SLC5A5: variants seen among roughly 807,000 people sequenced by gnomAD.
The protein encoded by SLC5A5 is solute carrier family 5 member 5, also known as sodium/iodide cotransporter.
Under a neutral mutation model 68.6 loss-of-function variants are expected in SLC5A5, and 56 were observed. That is an observed-to-expected ratio of 0.82 (90% CI 0.66 to 1.02). The LOEUF (loss-of-function observed/expected upper bound fraction) is 1.02. Among genes scored for constraint, SLC5A5 ranks in the 50% least tolerant of loss-of-function variants. SLC5A5 has a pLI of 0.00. For synonymous variants in SLC5A5, 398 were observed against 373.0 expected (o/e 1.07, Z -0.77); for missense variants, 807 against 859.8 (o/e 0.94, Z 0.77).
At position 17,873,203 on chromosome 19, in the gene SLC5A5, G is replaced by A. The variant is rs1473605618; in HGVS notation, c.357+527G>A. On this transcript the variant is annotated intron_variant, in intron 1 of 14. Transcript: ENST00000222248. Reference sequence around the variant, plus strand: ...GGGCCCGGTGCGGTGGCTCACGCCTGTAATCCCAGCACTTTGGGAGGCCAA... The same window carrying A: ...GGGCCCGGTGCGGTGGCTCACGCCTATAATCCCAGCACTTTGGGAGGCCAA... Among the ~76,000 whole-genome samples the A allele has an allele frequency of 5.3e-5, 8 of 152,368 alleles. No homozygotes were observed. The East Asian group carries it at 1.3e-3, about 26-fold the overall frequency.
Position 17,882,024 on chromosome 19 carries a change from C to T in SLC5A5, c.1123C>T (p.Leu375=). 1 of 1,614,218 alleles carries T rather than the reference C, an allele frequency of 6.2e-7. No homozygotes were observed. The highest frequency in any genetic ancestry group is 8.5e-7 in the Non-Finnish European group (1 of 1,180,020). ...TGTAGAAGACCTCATCAAACCTCGG[C>T]TGCGGAGCCTGGCACCCAGGAAACT... ...VTVEDLIKPR[L]RSLAPRKLVI... The change falls in exon 9 of 15, where the codon CTG becomes TTG. Residue 375 remains leucine, a synonymous_variant. Transcript: ENST00000222248.
intron 5 of SLC5A5, among the ~76,000 whole-genome samples, chr19:17,877,245 A>C (rs1376620254): frequency 6.6e-6 from 1 of 152,114 alleles, no homozygotes; most frequent in Non-Finnish European, 1.5e-5. Flanking sequence ...GTGAATTTTC[A>C]ATCTGGCAAA....
intron 10 of SLC5A5, among the ~76,000 whole-genome samples, chr19:17,883,338 C>T (rs1176774755): frequency 1.3e-5 from 2 of 151,608 alleles, no homozygotes; most frequent in African/African-American, 4.8e-5. Flanking sequence ...CAGAAAGGGC[C>T]TCCCTATGGA....
At chr19:17,878,201 G>A in intron 7 of SLC5A5, 108 bp downstream of exon 7, 2 of 1,344,774 alleles carry the variant, frequency 1.5e-6, no homozygotes, top group South Asian at 2.4e-5. Context: ...CAAAGGCCAA[G>A]AAGTAGGAAA....
At chr19:17,889,061 A>G (rs1689262044) in intron 13 of SLC5A5, among the ~76,000 whole-genome samples, 1 of 151,864 alleles carries the variant, frequency 6.6e-6, no homozygotes, top group Non-Finnish European at 1.5e-5. Context: ...ATGACTATAT[A>G]TATACATAAA....
chr19:17,890,896 G>A lies in SLC5A5; in HGVS notation c.1662G>A (p.Lys554=), dbSNP rs1444362270. The change falls in exon 14 of 15, where the codon AAG becomes AAA. Residue 554 remains lysine, a synonymous_variant. Coordinates refer to ENST00000222248, the MANE Select transcript of SLC5A5 (RefSeq NM_000453.3). ...ALISCLTGPT[K]RSTLAPGLLW... ...CTCCCCGCCTCTCAGGCCCCACCAA[G>A]CGCAGCACCCTGGCCCCGGGATTGT... The A allele has an allele frequency of 1.9e-6, 3 of 1,613,400 alleles. No homozygotes were observed. The Admixed American group carries it at 5.0e-5, about 27-fold the overall frequency.
Position 17,872,323 on chromosome 19 carries a change from G to T in SLC5A5, c.4G>T (p.Glu2Ter). ...CTGGGCCTCCGCACCCGCCCTCATGGAGGCCGTGGAGACCGGGGAACGGCC... is the reference window on the plus strand; with the variant it reads ...CTGGGCCTCCGCACCCGCCCTCATGTAGGCCGTGGAGACCGGGGAACGGCC... M[E>*]AVETGERPTF... The change falls in exon 1 of 15, where the codon GAG becomes TAG. Residue 2 changes from glutamate (E) to a stop codon, truncating the protein, a stop_gained. Transcript: ENST00000222248. LOFTEE classifies it high-confidence loss of function. The T allele has an allele frequency of 6.3e-7, 1 of 1,578,860 alleles. No individual in the cohort carries two copies. The highest frequency in any genetic ancestry group is 8.6e-7 in the Non-Finnish European group (1 of 1,163,942).
At position 17,880,858 on chromosome 19, in the gene SLC5A5, T is replaced by G; in HGVS notation, c.970-7T>G. 1.2e-6 allele frequency: 2 copies of G among 1,611,314 alleles called. 1 individual carries two copies. Among genetic ancestry groups the G allele is most frequent in the South Asian group, 2.2e-5 (2 of 91,018 alleles). ...TGTCTGGGAGGCTGACCCCCAGTTC[T>G]CCCCAGTACATGCCTCTGCTGGTGC... On this transcript the variant is annotated splice_polypyrimidine_tract_variant and splice_region_variant and intron_variant, in intron 7 of 14. Coordinates refer to ENST00000222248, the MANE Select transcript of SLC5A5 (RefSeq NM_000453.3).
At chr19:17,887,519 C>A (rs531356795) in intron 12 of SLC5A5, among the ~76,000 whole-genome samples, 1 of 152,018 alleles carries the variant, frequency 6.6e-6, no homozygotes, top group South Asian at 2.1e-4. Context: ...GGTTTCAACT[C>A]CTGACCTCAG....
rs764968658 is a variant in SLC5A5, at chr19:17,877,967, C to G, written c.843C>G (p.Ala281=). 3.1e-6 allele frequency: 5 copies of G among 1,613,498 alleles called. No individual in the cohort carries two copies. In the African/African-American group the frequency reaches 5.3e-5, roughly 17 times the overall value. Reference sequence around the variant, plus strand: ...CTGAGGCTGCCTCTTCCCCCAGGGCCCTGCTCATCAACCAGGTCGGCCTGT... The same window carrying G: ...CTGAGGCTGCCTCTTCCCCCAGGGCGCTGCTCATCAACCAGGTCGGCCTGT... ...ACRTEKQAKL[A]LLINQVGLFL... The change falls in exon 7 of 15, where the codon GCC becomes GCG. Residue 281 remains alanine (A), a synonymous_variant. Coordinates refer to ENST00000222248, the MANE Select transcript of SLC5A5 (RefSeq NM_000453.3).
chr19:17,877,013 A>G (rs903083076), intron 5 of SLC5A5, among the ~76,000 whole-genome samples: 3 of 151,748 alleles, frequency 2.0e-5, no homozygotes, highest in Non-Finnish European at 4.4e-5. Context: ...CCTGGGCAAC[A>G]AGAGCGAAAC....
Position 17,872,236 on chromosome 19 carries a change from T to A in SLC5A5, c.-84T>A. 2.4e-5 allele frequency: 10 copies of A among 420,944 alleles called. No individual in the cohort carries two copies. In the East Asian group the frequency reaches 2.9e-4, roughly 12 times the overall value. The allele number at this position is 420,944 out of a possible 1,614,324, so 26.1% of individuals were successfully genotyped here. A position where few individuals can be genotyped will look rare whatever the true frequency, so the allele number is the denominator to read the frequency against. ...AGCATCCTCCCACCCGCCCTCCCCG[T>A]CCTGCCTCCTCGGCCCCTGCCAGCT... On this transcript the variant is annotated 5_prime_UTR_variant, in exon 1 of 15. Coordinates refer to ENST00000222248, the MANE Select transcript of SLC5A5 (RefSeq NM_000453.3).
At chr19:17,887,779 T>C (rs2029979102) in intron 12 of SLC5A5, among the ~76,000 whole-genome samples, 1 of 151,744 alleles carries the variant, frequency 6.6e-6, no homozygotes, top group Admixed American at 6.6e-5. Flanking sequence ...TTATTATTTT[T>C]TTATTTTTAG....
chr19:17,877,055 G>A (rs10401190), intron 5 of SLC5A5, among the ~76,000 whole-genome samples: 5 of 151,086 alleles, frequency 3.3e-5, no homozygotes, highest in African/African-American at 1.2e-4. Flanking sequence ...AGAGGATGGG[G>A]CTGGGCTCCC....
intron 5 of SLC5A5, 94 bp from the exon 6 acceptor site, chr19:17,877,629 C>A: frequency 1.3e-6 from 2 of 1,498,500 alleles, no homozygotes; most frequent in Non-Finnish European, 1.8e-6. Flanking sequence ...CTCCAAATGT[C>A]CCCTATAAGG....
intron 4 of SLC5A5, among the ~76,000 whole-genome samples, chr19:17,875,596 C>CT (rs901128729): frequency 2.8e-4 from 36 of 130,700 alleles, no homozygotes; most frequent in African/African-American, 1.0e-3. Context: ...GACCCCCCCC[C>CT]GCCCCCATCT....
At chr19:17,890,818 C>A in intron 13 of SLC5A5, 68 bp from the exon 14 acceptor site, 1 of 1,052,544 alleles carries the variant, frequency 9.5e-7, no homozygotes, top group Non-Finnish European at 1.5e-6. Flanking sequence ...CTTCCCAGGA[C>A]CTGGTCTCCA....
chr19:17,882,550 CTG>C (rs1449701276), intron 10 of SLC5A5, among the ~76,000 whole-genome samples: 1 of 143,148 alleles, frequency 7.0e-6, no homozygotes, highest in Non-Finnish European at 1.5e-5. Context: ...GAGTGTCACT[CTG>C]TTGCCCAGGC....
rs886054282 is a variant in SLC5A5 at position 17,872,681 on chromosome 19, C to G, written c.357+5C>G. On this transcript the variant is annotated splice_donor_5th_base_variant and intron_variant, in intron 1 of 14. Coordinates refer to ENST00000222248, the MANE Select transcript of SLC5A5 (RefSeq NM_000453.3). ...GGCCTCACCAGCACCTACGAGGTACCGGACAGAGGCCCGGGGGTAGGACCT... is the reference window on the plus strand; with the variant it reads ...GGCCTCACCAGCACCTACGAGGTACGGGACAGAGGCCCGGGGGTAGGACCT... The G allele has an allele frequency of 2.0e-6, 3 of 1,537,300 alleles. No individual in the cohort carries two copies. The highest frequency in any genetic ancestry group is 2.7e-6 in the Non-Finnish European group (3 of 1,116,958).
Sources: gnomAD v4.1 joint callset for allele counts (sites outside exome capture counted in the v4.1 genomes callset) on GRCh38, gnomAD v4.1.1 for gene constraint, MANE v1.5 for transcripts, NCBI Gene and HGNC (gene_info 2026-07-23, HGNC 2026-07-21) for gene names.